Variants in PCDHGB3 observed in about 807,000 individuals in gnomAD.
PCDHGB3 encodes protocadherin gamma-B3.
A neutral mutation model predicts 59.2 loss-of-function variants in PCDHGB3; 40 were observed. The ratio of observed to expected loss-of-function variants is 0.68; its 90% confidence interval spans 0.52 to 0.88. The LOEUF is 0.88. Among genes scored for constraint, PCDHGB3 ranks in the 40% least tolerant of loss-of-function variants. PCDHGB3 has a pLI of 0.00. For missense variants in PCDHGB3, 1,309 were observed against 1,187.9 expected, an observed-to-expected ratio of 1.10 and a Z score of -1.50; for synonymous variants, 581 against 503.6, an observed-to-expected ratio of 1.15 and a Z score of -2.06.
intron 1 of PCDHGB3, chr5:141,414,831 G>A (rs1230752323): frequency 1.9e-6 from 3 of 1,614,212 alleles, no homozygotes; most frequent in Admixed American, 1.7e-5. Flanking sequence ...ACGTGTCGTT[G>A]AGCCTGTTTG....
At chr5:141,478,926 G>A in intron 1 of PCDHGB3, 1 of 687,216 alleles carries the variant, frequency 1.5e-6, no homozygotes, top group Non-Finnish European at 2.3e-6. Flanking sequence ...CTAACCAGTG[G>A]CAGCTTCTAG....
chr5:141,402,770 G>A (rs1381501918), intron 1 of PCDHGB3, among the ~76,000 whole-genome samples: 1 of 152,154 alleles, frequency 6.6e-6, no homozygotes, highest in Non-Finnish European at 1.5e-5. Context: ...GACTCCATCC[G>A]GATTTCCAGT....
chr5:141,503,401 C>A (rs987421198), intron 2 of PCDHGB3, among the ~76,000 whole-genome samples: 15 of 151,848 alleles, frequency 9.9e-5, no homozygotes, highest in Non-Finnish European at 1.9e-4. Context: ...TCGAAACCAA[C>A]CTGGCCAATA....
chr5:141,499,486 C>T (rs569172977), intron 2 of PCDHGB3, among the ~76,000 whole-genome samples: 3 of 152,284 alleles, frequency 2.0e-5, no homozygotes, highest in East Asian at 1.9e-4. Context: ...CCACCAACTA[C>T]AGTTTAATAT....
chr5:141,421,931 A>T, intron 1 of PCDHGB3: 1 of 1,613,556 alleles, frequency 6.2e-7, no homozygotes, highest in East Asian at 2.2e-5. Context: ...GTGGTCCTCG[A>T]TGTAAATGAT....
Position 141,487,501 on chromosome 5 carries a change from T to A in PCDHGB3, c.2416-7306T>A. 1 of 1,614,232 alleles carries A rather than the reference T, an allele frequency of 6.2e-7. No individual in the cohort carries two copies. Among genetic ancestry groups the A allele is most frequent in the Non-Finnish European group, 8.5e-7 (1 of 1,180,036 alleles). On this transcript the variant is annotated intron_variant, in intron 1 of 3. Transcript: ENST00000576222. This position sits in a 1 kb window ranked among gnomAD's most constrained non-coding sequence, Gnocchi z 5.0. ...ACTCTCATGGCTGTACACCCTTGGC[T>A]TCTGCACCCACTCGGAGTGATAGCT...
chr5:141,408,379 G>T (rs2095093592), intron 1 of PCDHGB3: 13 of 1,613,914 alleles, frequency 8.1e-6, no homozygotes, highest in Non-Finnish European at 1.1e-5. Context: ...TCAGTGTCCT[G>T]GATGTGTCGG....
At chr5:141,408,780 A>G (rs1304526612) in intron 1 of PCDHGB3, 1 of 1,612,372 alleles carries the variant, frequency 6.2e-7, no homozygotes, top group Non-Finnish European at 8.5e-7. Flanking sequence ...AAATACCCAG[A>G]GTTATCTCTG....
Position 141,416,159 on chromosome 5 carries a change from T to C in PCDHGB3, c.2415+43350T>C, listed in dbSNP as rs116406525. ...CTATACTTTGTGGTGATAGTTGCAG[T>C]TGAATATACTAAGTTTTTCATTAAT... On this transcript the variant is annotated intron_variant, in intron 1 of 3. Transcript: ENST00000576222. 1,471 of 153,024 alleles carry C rather than the reference T, an allele frequency of 9.6e-3. 10 individuals carry two copies. Among genetic ancestry groups the C allele is most frequent in the Non-Finnish European group, 0.015 (1,026 of 68,518 alleles). 9.5% of individuals were successfully genotyped at this position (153,024 alleles called of 1,614,324 possible).
chr5:141,420,076 T>A, intron 1 of PCDHGB3: 2 of 1,613,956 alleles, frequency 1.2e-6, no homozygotes, highest in Non-Finnish European at 1.7e-6. Context: ...GACCTGTGGG[T>A]CCCCCCAACT....
At chr5:141,468,737 G>A (rs1288031024) in intron 1 of PCDHGB3, among the ~76,000 whole-genome samples, 1 of 151,948 alleles carries the variant, frequency 6.6e-6, no homozygotes, top group African/African-American at 2.4e-5. Context: ...GTGGTGGCGG[G>A]TGCCTGTAGT....
rs888556794 is a variant in PCDHGB3 at position 141,493,414 on chromosome 5, A to T, written c.2416-1393A>T. Among the ~76,000 whole-genome samples, 2 of 152,058 alleles carry T rather than the reference A, an allele frequency of 1.3e-5. No individual in the cohort carries two copies. Among genetic ancestry groups the T allele is most frequent in the Admixed American group, 6.6e-5 (1 of 15,248 alleles). ...GGAGAGGGGAGTTGCCTCTGCTGGG[A>T]TTTTGCTTCTGCTGGGATGGGGCAA... On this transcript the variant is annotated intron_variant, in intron 1 of 3. Coordinates refer to ENST00000576222, the MANE Select transcript of PCDHGB3 (RefSeq NM_018924.5). The surrounding 1 kb of genome is among the most constrained non-coding windows in gnomAD (Gnocchi z 4.3).
intron 1 of PCDHGB3, among the ~76,000 whole-genome samples, chr5:141,460,620 C>G (rs185269852): frequency 5.6e-4 from 85 of 151,856 alleles, no homozygotes; most frequent in African/African-American, 1.9e-3. Context: ...GATAGATAGA[C>G]AGATACAGAT....
At chr5:141,447,082 T>C (rs1259827606) in intron 1 of PCDHGB3, among the ~76,000 whole-genome samples, 3 of 152,156 alleles carry the variant, frequency 2.0e-5, no homozygotes, top group Non-Finnish European at 2.9e-5. Context: ...ATTTTTGTTG[T>C]TTAATTTTCT....
rs369942815 is a variant in PCDHGB3, at chr5:141,485,334, T to A, written c.2416-9473T>A. 5.4e-5 allele frequency: 87 copies of A among 1,614,056 alleles called. No individual in the cohort carries two copies. Among genetic ancestry groups the A allele is most frequent in the Non-Finnish European group, 7.0e-5 (83 of 1,180,026 alleles). On this transcript the variant is annotated intron_variant, in intron 1 of 3. Coordinates refer to ENST00000576222, the MANE Select transcript of PCDHGB3 (RefSeq NM_018924.5). The surrounding 1 kb of genome is among the most constrained non-coding windows in gnomAD (Gnocchi z 5.7). Reference sequence around the variant, plus strand: ...GGGAATGTCGCTCAAGATTTCCTGCTGGATACGGACAGTCTGTCAGCTCGC... The same window carrying A: ...GGGAATGTCGCTCAAGATTTCCTGCAGGATACGGACAGTCTGTCAGCTCGC...
intron 1 of PCDHGB3, chr5:141,413,694 C>T: frequency 6.2e-7 from 1 of 1,613,800 alleles, no homozygotes; most frequent in Non-Finnish European, 8.5e-7. Context: ...CCCTGCAGAG[C>T]TATCAGCTCA....
chr5:141,394,100 A>G (rs370480326), intron 1 of PCDHGB3: 2 of 1,613,942 alleles, frequency 1.2e-6, no homozygotes, highest in Non-Finnish European at 1.7e-6. Context: ...ATCTAGGAAC[A>G]CCACCTCTGT....
chr5:141,427,723 G>A, intron 1 of PCDHGB3: 1 of 1,127,490 alleles, frequency 8.9e-7, no homozygotes, highest in Non-Finnish European at 1.3e-6. Context: ...CTGGACCTAG[G>A]GCTGAATGGC....
rs1269856662 is a variant in PCDHGB3, at chr5:141,375,833, C to A, written c.2415+3024C>A. On this transcript the variant is annotated intron_variant, in intron 1 of 3. Coordinates refer to ENST00000576222, the MANE Select transcript of PCDHGB3 (RefSeq NM_018924.5). The stretch of plus-strand genomic sequence containing the variant: ...GGAGCTGGCGCCCCGCTCCGCAGAG[C>A]CCGGCTACCTGGTGACCAAGGTGGT... 6.2e-7 allele frequency: 1 copy of A among 1,614,034 alleles called. No homozygotes were observed. Among genetic ancestry groups the A allele is most frequent in the Non-Finnish European group, 8.5e-7 (1 of 1,180,048 alleles).
Sources: allele counts gnomAD v4.1 joint callset (sites outside exome capture counted in the v4.1 genomes callset), GRCh38; gene constraint gnomAD v4.1.1; non-coding constraint Gnocchi (gnomAD v3.1); transcripts MANE v1.5; gene names NCBI Gene and HGNC (gene_info 2026-07-23, HGNC 2026-07-21).